LRRC71: variants seen among roughly 807,000 people sequenced by gnomAD.
LRRC71 encodes leucine-rich repeat-containing protein 71.
Under a neutral mutation model 66.6 loss-of-function variants are expected in LRRC71, and 54 were observed. The observed-to-expected ratio is 0.81, with a 90% CI of 0.65 to 1.02. The LOEUF is 1.02. Ranked by LOEUF, LRRC71 falls within the 50% of genes least tolerant of loss-of-function variation. The pLI is 0.00. For synonymous variants in LRRC71, 323 were observed against 303.9 expected, an observed-to-expected ratio of 1.06 and a Z score of -0.65; for missense variants, 724 against 718.0, an observed-to-expected ratio of 1.01 and a Z score of -0.10.
At chr1:156,940,160 G>A in the LRRC71 span, 3 of 1,525,522 alleles carry the variant, frequency 2.0e-6, no homozygotes, top group Non-Finnish European at 1.8e-6. Flanking sequence ...CACACTGGGT[G>A]TGCGACTGGG....
intron 5 of LRRC71, among the ~76,000 whole-genome samples, chr1:156,925,360 A>G (rs1653033890): frequency 1.3e-5 from 2 of 152,326 alleles, no homozygotes; most frequent in South Asian, 4.1e-4. Context: ...GGTAAGAAAC[A>G]GTTCTTATCC....
intron 10 of LRRC71, 26 bp from the exon 11 acceptor site, chr1:156,929,609 GC>G: frequency 6.4e-7 from 1 of 1,565,154 alleles, no homozygotes; most frequent in Non-Finnish European, 8.7e-7. Flanking sequence ...GGTGGGACTT[GC>G]CCCTCTCTTC....
At chr1:156,930,034 T>C (rs1252710246) in intron 11 of LRRC71, among the ~76,000 whole-genome samples, 6 of 144,964 alleles carry the variant, frequency 4.1e-5, no homozygotes, top group South Asian at 2.2e-4. Context: ...TCTTTTCTTT[T>C]TCTTTCTTTC....
intron 4 of LRRC71, 58 bp from the exon 5 acceptor site, chr1:156,924,880 T>C: frequency 1.3e-6 from 2 of 1,538,964 alleles, no homozygotes; most frequent in Non-Finnish European, 1.8e-6. Flanking sequence ...GTGGGGAGGG[T>C]TTTCCAGTAG....
intron 10 of LRRC71, 46 bp from the exon 11 acceptor site, chr1:156,929,590 C>T (rs899054730): frequency 1.9e-6 from 3 of 1,545,480 alleles, no homozygotes; most frequent in Admixed American, 2.0e-5. Context: ...ACTGCCCATC[C>T]CCTCCGGAGG....
chr1:156,930,157 A>G (rs822428), intron 11 of LRRC71, among the ~76,000 whole-genome samples: 5,611 of 141,372 alleles, frequency 0.04, 400 homozygotes, highest in African/African-American at 0.14. Context: ...CAGAGGTGCA[A>G]TCTTGGCTCA....
chr1:156,940,209 T>C, the LRRC71 span: 1 of 1,576,024 alleles, frequency 6.3e-7, no homozygotes, highest in Non-Finnish European at 8.6e-7. Context: ...GCACTCACCA[T>C]CTTCCAGAGC....
chr1:156,940,880 C>T, the LRRC71 span, among the ~76,000 whole-genome samples: 1 of 152,136 alleles, frequency 6.6e-6, no homozygotes, highest in Non-Finnish European at 1.5e-5. Context: ...CCAGGAAACC[C>T]GAGATTTCTC....
the LRRC71 span, chr1:156,940,538 T>A: frequency 4.1e-6 from 4 of 968,694 alleles, no homozygotes; most frequent in Non-Finnish European, 5.9e-6. Flanking sequence ...ATTCTACAGT[T>A]GTTTACTGAG....
downstream of LRRC71, chr1:156,935,101 C>T (rs1654831435): frequency 6.6e-6 from 1 of 152,332 alleles, no homozygotes; most frequent in Admixed American, 6.6e-5. Flanking sequence ...AATTCAGGGA[C>T]TCGGCATTCA....
intron 5 of LRRC71, among the ~76,000 whole-genome samples, chr1:156,925,801 A>G (rs1653113386): frequency 6.6e-6 from 1 of 152,160 alleles, no homozygotes; most frequent in Non-Finnish European, 1.5e-5. Context: ...GATGGCATGG[A>G]TGCTCCTTGA....
downstream of LRRC71, among the ~76,000 whole-genome samples, chr1:156,936,494 AAAAATATATATATAT>A (rs1655244415): frequency 1.1e-5 from 1 of 90,226 alleles, no homozygotes; most frequent in African/African-American, 4.9e-5. Context: ...AAAAAAAAAA[AAAAATATATATATAT>A]ATATATATAT....
chr1:156,937,234 CCCTGCTT>C (rs771971578), downstream of LRRC71: 2,656 of 1,613,734 alleles, frequency 1.6e-3, 30 homozygotes, highest in African/African-American at 0.028. Flanking sequence ...GGGACCCAAG[CCCTGCTT>C]CCCTCACCTT....
At chr1:156,937,542 T>G, downstream of LRRC71, 1 of 1,497,318 alleles carries the variant, frequency 6.7e-7, no homozygotes, top group Non-Finnish European at 8.9e-7. Context: ...AACAGAGAAG[T>G]CGAAGCTATC....
chr1:156,926,468 G>T (rs1004502774), intron 5 of LRRC71, among the ~76,000 whole-genome samples: 3 of 152,148 alleles, frequency 2.0e-5, no homozygotes, highest in African/African-American at 7.2e-5. Context: ...CACTCAAGAC[G>T]GAAGCCACCG....
chr1:156,922,927 G>T (rs560742571), intron 1 of LRRC71, among the ~76,000 whole-genome samples: 1 of 152,340 alleles, frequency 6.6e-6, no homozygotes, highest in Admixed American at 6.5e-5. Flanking sequence ...GTTTGGGAGG[G>T]CAGGGAGGTG....
Position 156,920,968 on chromosome 1 carries a change from G to C in LRRC71, c.160+5G>C, listed in dbSNP as rs1472204195. The C allele has an allele frequency of 1.3e-6, 2 of 1,498,132 alleles. No homozygotes were observed. The highest frequency in any genetic ancestry group is 1.3e-5 in the South Asian group (1 of 76,676). The allele number at this position is 1,498,132 out of a possible 1,614,324, so 92.8% of individuals were successfully genotyped here. ...AGGAGGAGCCCAAAAGCCCTGGTACGCTGGCGCCGGGGTTTGGGGATCGGG... is the reference window on the plus strand; with the variant it reads ...AGGAGGAGCCCAAAAGCCCTGGTACCCTGGCGCCGGGGTTTGGGGATCGGG... On this transcript the variant is annotated splice_donor_5th_base_variant and intron_variant, in intron 1 of 14. Coordinates refer to ENST00000337428, the MANE Select transcript of LRRC71 (RefSeq NM_144702.3). This position sits in a 1 kb window ranked among gnomAD's most constrained non-coding sequence, Gnocchi z 4.9.
the LRRC71 span, chr1:156,939,522 C>T: frequency 2.5e-6 from 4 of 1,606,046 alleles, no homozygotes; most frequent in Non-Finnish European, 1.7e-6. Flanking sequence ...GCTTGTCTCC[C>T]CACTGGACAC....
the LRRC71 span, chr1:156,939,468 G>T: frequency 2.5e-6 from 4 of 1,588,864 alleles, no homozygotes. Context: ...GGAGTATAGG[G>T]AAGGAAGCAG....
Sources: gnomAD v4.1 joint callset for allele counts (sites outside exome capture counted in the v4.1 genomes callset) on GRCh38, gnomAD v4.1.1 for gene constraint, Gnocchi (gnomAD v3.1) non-coding constraint, MANE v1.5 for transcripts, NCBI Gene and HGNC (gene_info 2026-07-23, HGNC 2026-07-21) for gene names.